Variants in EXOC2 observed in about 807,000 individuals in gnomAD.
EXOC2 encodes the protein exocyst complex component 2, also known as SEC5-like 1.
Under a neutral mutation model 131.8 loss-of-function variants are expected in EXOC2, and 70 were observed. That is an observed-to-expected ratio of 0.53 (90% CI 0.44 to 0.65). The LOEUF is 0.65. EXOC2 is among the 30% of genes least tolerant of loss of function. EXOC2 has a pLI of 0.00. For missense variants in EXOC2, 923 were observed against 1,108.6 expected (o/e 0.83, Z 2.38); for synonymous variants, 411 against 398.4 (o/e 1.03, Z -0.38).
chr6:495,070 G>C (rs1054690628), intron 25 of EXOC2, among the ~76,000 whole-genome samples: 3 of 128,096 alleles, frequency 2.3e-5, no homozygotes, highest in Admixed American at 1.6e-4. Flanking sequence ...TTTTTTTTTT[G>C]TAGAGACAAG....
chr6:572,591 G>A lies in EXOC2; in HGVS notation c.1372C>T (p.Leu458Phe), dbSNP rs1561872783. Residue 458 changes from leucine to phenylalanine, a missense_variant, in exon 13 of 28, where the codon CTC becomes TTC. Coordinates refer to ENST00000230449, the MANE Select transcript of EXOC2 (RefSeq NM_018303.6). ...AAGTTAGGCAGCTGGCTCAAGACGAGTTTTGTCAATTTTTCAACAAAGGCC... is the reference window on the plus strand; with the variant it reads ...AAGTTAGGCAGCTGGCTCAAGACGAATTTTGTCAATTTTTCAACAAAGGCC... ...RVAFVEKLTKLVLSQLPNFWK... is the reference protein window; with the variant it reads ...RVAFVEKLTKFVLSQLPNFWK... 3.7e-6 allele frequency: 6 copies of A among 1,614,056 alleles called. No individual in the cohort carries two copies. In the African/African-American group the frequency reaches 5.3e-5, roughly 14 times the overall value.
intron 25 of EXOC2, among the ~76,000 whole-genome samples, chr6:496,690 G>A (rs752726227): frequency 6.6e-6 from 1 of 152,054 alleles, no homozygotes; most frequent in African/African-American, 2.4e-5. Context: ...GTTCTCTGGT[G>A]TCTTCAGGGA....
intron 22 of EXOC2, among the ~76,000 whole-genome samples, chr6:533,454 C>T (rs1165128923): frequency 6.6e-6 from 1 of 152,144 alleles, no homozygotes; most frequent in African/African-American, 2.4e-5. Context: ...TACAGCTCTG[C>T]TTGAGGGGCG....
intron 12 of EXOC2, among the ~76,000 whole-genome samples, chr6:575,948 T>TG (rs1297142556): frequency 1.3e-5 from 2 of 152,230 alleles, no homozygotes; most frequent in African/African-American, 4.8e-5. Context: ...CCAACAGTTA[T>TG]GGAAGCCTTT....
intron 19 of EXOC2, 42 bp downstream of exon 19, chr6:555,912 G>C: frequency 6.3e-7 from 1 of 1,583,484 alleles, no homozygotes; most frequent in South Asian, 1.1e-5. Flanking sequence ...CTGACACTTA[G>C]TATTATTTGA....
Position 632,997 on chromosome 6 carries a change from G to A in EXOC2, c.239C>T (p.Ser80Leu), listed in dbSNP as rs745696197. Residue 80 changes from serine (S) to leucine (L), a missense_variant, in exon 3 of 28, where the codon TCA (serine) becomes TTA (leucine). By Grantham distance (145) the Ser-to-Leu change is moderately radical. Coordinates refer to ENST00000230449, the MANE Select transcript of EXOC2 (RefSeq NM_018303.6). ...DKGDIIVTTKSGGRGTSTVSF... is the reference protein window; with the variant it reads ...DKGDIIVTTKLGGRGTSTVSF... ...GACTGTTGAGGTTCCTCTGCCACCT[G>A]ACTTAGTGGTGACAATAATGTCTCC... is the stretch of plus-strand genomic sequence containing the variant. 7 of 1,614,114 alleles carry A rather than the reference G, an allele frequency of 4.3e-6. No individual in the cohort carries two copies. The highest frequency in any genetic ancestry group is 5.9e-6 in the Non-Finnish European group (7 of 1,180,018).
At chr6:586,418 C>T (rs925161557) in intron 11 of EXOC2, among the ~76,000 whole-genome samples, 3 of 152,352 alleles carry the variant, frequency 2.0e-5, no homozygotes, top group Admixed American at 6.5e-5. Context: ...ATTTTCTTAA[C>T]TTGCTCATTC....
At chr6:537,164 G>A (rs1320184006) in intron 22 of EXOC2, among the ~76,000 whole-genome samples, 2 of 151,990 alleles carry the variant, frequency 1.3e-5, no homozygotes, top group Non-Finnish European at 2.9e-5. Context: ...GACCGACGGA[G>A]CGTACACTTG....
In EXOC2 at chr6:633,004, T is replaced by C; in HGVS notation, c.232A>G (p.Thr78Ala). The change falls in exon 3 of 28, where the codon ACT (threonine) becomes GCT (alanine). Residue 78 changes from threonine (T) to alanine (A), a missense_variant. Physicochemically the swap from Thr to Ala is moderately conservative, Grantham distance 58. Transcript: ENST00000230449. ...GAGGTTCCTCTGCCACCTGACTTAG[T>C]GGTGACAATAATGTCTCCTTTGTCA... The part of the protein sequence containing the change: ...KNDKGDIIVT[T>A]KSGGRGTSTV... 6.2e-7 allele frequency: 1 copy of C among 1,614,212 alleles called. No homozygotes were observed. The highest frequency in any genetic ancestry group is 8.5e-7 in the Non-Finnish European group (1 of 1,180,034).
chr6:668,215 T>C (rs554643857), intron 1 of EXOC2, among the ~76,000 whole-genome samples: 132 of 152,266 alleles, frequency 8.7e-4, no homozygotes, highest in African/African-American at 3.0e-3. Context: ...TTTTGGAAAA[T>C]TTTTAGGCAT....
At chr6:627,396 T>G (rs545078842) in intron 4 of EXOC2, among the ~76,000 whole-genome samples, 39 of 152,342 alleles carry the variant, frequency 2.6e-4, no homozygotes, top group African/African-American at 9.4e-4. Context: ...TTTGAAAGTC[T>G]TTTGCCAAAC....
intron 22 of EXOC2, among the ~76,000 whole-genome samples, chr6:536,485 T>C (rs1336308005): frequency 6.6e-6 from 1 of 152,182 alleles, no homozygotes; most frequent in Admixed American, 6.5e-5. Flanking sequence ...GGATCATCAA[T>C]ATTGGTAATT....
chr6:597,570 A>G (rs74893896), intron 10 of EXOC2, among the ~76,000 whole-genome samples: 5,553 of 152,302 alleles, frequency 0.036, 146 homozygotes, highest in Non-Finnish European at 0.055. Flanking sequence ...TCAGAAAGCT[A>G]TTCAAGGTTA....
chr6:656,076 C>T (rs1334392098), intron 1 of EXOC2: 1 of 1,527,774 alleles, frequency 6.5e-7, no homozygotes, highest in East Asian at 2.3e-5. Context: ...AAGATCAAAA[C>T]CTTAAAAAAA....
intron 27 of EXOC2, among the ~76,000 whole-genome samples, chr6:487,243 T>G (rs1763123332): frequency 6.6e-6 from 1 of 152,138 alleles, no homozygotes; most frequent in Non-Finnish European, 1.5e-5. Context: ...CACTGCTGAC[T>G]TTCCCTTCCT....
At chr6:607,358 G>A (rs1290110182) in intron 7 of EXOC2, among the ~76,000 whole-genome samples, 1 of 152,172 alleles carries the variant, frequency 6.6e-6, no homozygotes, top group Admixed American at 6.5e-5. Context: ...CTGGGCTTTA[G>A]TTTTTTTCAT....
chr6:555,066 G>A (rs997785760), intron 20 of EXOC2, among the ~76,000 whole-genome samples, 161 bp downstream of exon 20: 1 of 151,964 alleles, frequency 6.6e-6, no homozygotes, highest in African/African-American at 2.4e-5. Flanking sequence ...GATAAACTAT[G>A]GAAAGAATAT....
chr6:511,217 G>T (rs532439004), intron 23 of EXOC2, among the ~76,000 whole-genome samples: 1 of 152,332 alleles, frequency 6.6e-6, no homozygotes, highest in African/African-American at 2.4e-5. Context: ...GCTGCTGAGC[G>T]GGTCCCGCAC....
chr6:530,055 T>A (rs1765987796), intron 23 of EXOC2, among the ~76,000 whole-genome samples: 1 of 152,230 alleles, frequency 6.6e-6, no homozygotes, highest in Non-Finnish European at 1.5e-5. Context: ...TTAGCAAGTC[T>A]ATGCAACTAC....
Sources: gnomAD v4.1 joint callset for allele counts (sites outside exome capture counted in the v4.1 genomes callset) on GRCh38, gnomAD v4.1.1 for gene constraint, MANE v1.5 for transcripts, NCBI Gene and HGNC (gene_info 2026-07-23, HGNC 2026-07-21) for gene names.